The following FAM107B variants were observed in gnomAD, a reference collection of about 807,000 sequenced individuals.
The protein encoded by FAM107B is protein FAM107B.
A neutral mutation model predicts 31.5 loss-of-function variants in FAM107B; 21 were observed. The observed-to-expected ratio is 0.67, with a 90% CI of 0.47 to 0.96. The LOEUF (loss-of-function observed/expected upper bound fraction) is 0.96, where lower values mean the gene tolerates loss of function less well. Ranked by LOEUF, FAM107B falls within the 40% of genes least tolerant of loss-of-function variation. The pLI is 0.00. For missense variants in FAM107B, 452 were observed against 377.1 expected, an observed-to-expected ratio of 1.20 and a Z score of -1.64; for synonymous variants, 157 against 141.5, an observed-to-expected ratio of 1.11 and a Z score of -0.78.
intron 2 of FAM107B, among the ~76,000 whole-genome samples, chr10:14,542,869 G>C (rs974649648): frequency 3.9e-5 from 6 of 152,180 alleles, no homozygotes; most frequent in African/African-American, 1.4e-4. Context: ...TTAGACTTTT[G>C]TCTGGTGAGA....
intron 2 of FAM107B, among the ~76,000 whole-genome samples, chr10:14,558,257 G>A (rs11259183): frequency 5.3e-4 from 81 of 152,108 alleles, no homozygotes; most frequent in African/African-American, 1.8e-3. Context: ...ACGTGCACGC[G>A]CACAGTCACA....
At chr10:14,631,810 G>A (rs1184941195) in intron 2 of FAM107B, among the ~76,000 whole-genome samples, 1 of 152,152 alleles carries the variant, frequency 6.6e-6, no homozygotes, top group Non-Finnish European at 1.5e-5. Flanking sequence ...CCCAGGTTGT[G>A]AGGTCCAGTG....
intron 2 of FAM107B, among the ~76,000 whole-genome samples, chr10:14,584,794 T>C (rs1564587195): frequency 6.6e-6 from 1 of 152,124 alleles, no homozygotes; most frequent in Non-Finnish European, 1.5e-5. Context: ...ACCCCCACCT[T>C]TTCTGCATGG....
chr10:14,651,048 A>G (rs56875365), intron 2 of FAM107B, among the ~76,000 whole-genome samples: 2,706 of 152,270 alleles, frequency 0.018, 89 homozygotes, highest in African/African-American at 0.062. Flanking sequence ...TCTTTCTACT[A>G]CTGACGCTTC....
At chr10:14,746,714 G>A (rs566970105) in intron 1 of FAM107B, among the ~76,000 whole-genome samples, 16 of 152,230 alleles carry the variant, frequency 1.1e-4, no homozygotes, top group Admixed American at 2.6e-4. Flanking sequence ...TTTCTCTCTG[G>A]CTGTCCTTAA....
At chr10:14,642,888 A>G (rs1006819010) in intron 2 of FAM107B, among the ~76,000 whole-genome samples, 5 of 152,112 alleles carry the variant, frequency 3.3e-5, no homozygotes, top group South Asian at 2.1e-4. Flanking sequence ...CTTTCCTCCA[A>G]TTTCCAGTAA....
chr10:14,521,097 G>A lies in FAM107B; in HGVS notation c.*93C>T. On this transcript the variant is annotated 3_prime_UTR_variant, in exon 5 of 5. Coordinates refer to ENST00000181796, the MANE Select transcript of FAM107B (RefSeq NM_031453.4). ...TGCAAGTCAAAATTCTCTGCTGGCT[G>A]AAATATTCTCCAGGGGCTTTTGCCC... The A allele has an allele frequency of 1.0e-6, 1 of 978,590 alleles. No individual in the cohort carries two copies. Among genetic ancestry groups the A allele is most frequent in the South Asian group, 1.5e-5 (1 of 66,160 alleles). 60.6% of individuals were successfully genotyped at this position (978,590 alleles called of 1,614,324 possible).
intron 2 of FAM107B, among the ~76,000 whole-genome samples, chr10:14,583,998 T>C (rs1851743123): frequency 6.6e-6 from 1 of 152,322 alleles, no homozygotes; most frequent in African/African-American, 2.4e-5. Context: ...GGGACTAAAA[T>C]GACACCAACA....
intron 2 of FAM107B, among the ~76,000 whole-genome samples, chr10:14,583,044 G>A (rs1275906211): frequency 1.1e-4 from 16 of 145,052 alleles, no homozygotes; most frequent in African/African-American, 2.9e-4. Flanking sequence ...CGGAGATCGC[G>A]CCACTGCACT....
At chr10:14,768,266 T>C (rs1327360997) in intron 1 of FAM107B, among the ~76,000 whole-genome samples, 1 of 152,194 alleles carries the variant, frequency 6.6e-6, no homozygotes, top group Admixed American at 6.5e-5. Flanking sequence ...AAAATCTCAA[T>C]AATGTTTTTT....
chr10:14,747,494 C>CTGT (rs1002865509), intron 1 of FAM107B, among the ~76,000 whole-genome samples: 128 of 152,168 alleles, frequency 8.4e-4, no homozygotes, highest in African/African-American at 3.0e-3. Context: ...TTTGTTGATG[C>CTGT]TGTTGTTGTT....
intron 2 of FAM107B, among the ~76,000 whole-genome samples, chr10:14,621,881 G>A (rs2182452): frequency 0.41 from 62,095 of 152,094 alleles, 13,222 homozygotes; most frequent in East Asian, 0.7. Context: ...AAAATGTACA[G>A]AAGTACCTTG....
intron 2 of FAM107B, among the ~76,000 whole-genome samples, chr10:14,565,134 G>A (rs1850551853): frequency 6.6e-6 from 1 of 152,238 alleles, no homozygotes. Flanking sequence ...TTTATTGAGT[G>A]TACAGCTTGT....
intron 1 of FAM107B, among the ~76,000 whole-genome samples, chr10:14,734,282 C>T (rs906992679): frequency 3.3e-5 from 5 of 152,070 alleles, no homozygotes; most frequent in African/African-American, 7.2e-5. Flanking sequence ...TGCTCTCATC[C>T]ACACCAGAAC....
chr10:14,669,511 T>A (rs867093945), intron 1 of FAM107B, among the ~76,000 whole-genome samples: 1 of 151,990 alleles, frequency 6.6e-6, no homozygotes, highest in African/African-American at 2.4e-5. Context: ...CATCGCCAGA[T>A]AAACGGATAA....
At chr10:14,645,920 T>C (rs1419997429) in intron 2 of FAM107B, among the ~76,000 whole-genome samples, 1 of 152,168 alleles carries the variant, frequency 6.6e-6, no homozygotes, top group Admixed American at 6.5e-5. Context: ...AATGAAAGGT[T>C]AACAATAAGA....
chr10:14,724,976 G>C (rs1202903654), intron 1 of FAM107B, among the ~76,000 whole-genome samples: 1 of 152,206 alleles, frequency 6.6e-6, no homozygotes, highest in African/African-American at 2.4e-5. Flanking sequence ...ACTTCAAAAG[G>C]CTGCAAGGAA....
At chr10:14,737,502 T>C (rs1378872997) in intron 1 of FAM107B, among the ~76,000 whole-genome samples, 2 of 151,880 alleles carry the variant, frequency 1.3e-5, no homozygotes, top group African/African-American at 4.8e-5. Context: ...TAACCCTGGC[T>C]ACTTGGGAGG....
chr10:14,524,235 G>T (rs1395719127), intron 3 of FAM107B, among the ~76,000 whole-genome samples: 4 of 151,978 alleles, frequency 2.6e-5, no homozygotes. Context: ...TAGAGACGGG[G>T]TTTCACCATG....
Sources: allele counts gnomAD v4.1 joint callset (sites outside exome capture counted in the v4.1 genomes callset), GRCh38; gene constraint gnomAD v4.1.1; transcripts MANE v1.5; gene names NCBI Gene and HGNC (gene_info 2026-07-23, HGNC 2026-07-21).